Variants in MBOAT2 observed in about 807,000 individuals in gnomAD.
MBOAT2 encodes membrane-bound glycerophospholipid O-acyltransferase 2.
MBOAT2 carries 28 observed loss-of-function variants against 63.4 expected under a neutral mutation model. That is an observed-to-expected ratio of 0.44 (90% confidence interval 0.33 to 0.61). The LOEUF (loss-of-function observed/expected upper bound fraction) is 0.61. Ranked by LOEUF, MBOAT2 falls within the 20% of genes least tolerant of loss-of-function variation. The probability of loss-of-function intolerance (pLI) is 0.03; values close to 1 mark genes in which losing one functional copy is unlikely to be tolerated. For synonymous variants in MBOAT2, 211 were observed against 215.6 expected (o/e 0.98, Z 0.19); for missense variants, 470 against 605.8 (o/e 0.78, Z 2.35).
intron 12 of MBOAT2, 97 bp from the exon 13 acceptor site, chr2:8,859,001 G>T: frequency 3.4e-6 from 3 of 878,360 alleles, no homozygotes; most frequent in Admixed American, 5.2e-5. Flanking sequence ...ACCTTAGGAT[G>T]TATTTGTTTA....
At chr2:8,890,172 T>C (rs1331588898) in intron 4 of MBOAT2, among the ~76,000 whole-genome samples, 1 of 152,160 alleles carries the variant, frequency 6.6e-6, no homozygotes, top group Non-Finnish European at 1.5e-5. Flanking sequence ...CTACTCTTCC[T>C]CGAAGCATTT....
At chr2:8,977,969 T>C (rs139996914) in intron 1 of MBOAT2, among the ~76,000 whole-genome samples, 1 of 152,250 alleles carries the variant, frequency 6.6e-6, no homozygotes, top group East Asian at 1.9e-4. Flanking sequence ...ACGGCTGCGA[T>C]GGCTTCTTAT....
At chr2:8,895,149 A>G (rs1260312706) in intron 4 of MBOAT2, among the ~76,000 whole-genome samples, 1 of 152,232 alleles carries the variant, frequency 6.6e-6, no homozygotes. Context: ...AACGGACCCT[A>G]GCGGGAGCCA....
intron 6 of MBOAT2, among the ~76,000 whole-genome samples, chr2:8,880,370 ACTG>A (rs1167982311): frequency 6.6e-6 from 1 of 152,210 alleles, no homozygotes; most frequent in East Asian, 1.9e-4. Context: ...TGATAATGGT[ACTG>A]CTATTAGCTA....
intron 3 of MBOAT2, among the ~76,000 whole-genome samples, chr2:8,937,719 T>C (rs1667765733): frequency 6.6e-6 from 1 of 152,046 alleles, no homozygotes; most frequent in African/African-American, 2.4e-5. Context: ...AGCGCAGTCA[T>C]GGAGAACAAG....
Position 8,860,702 on chromosome 2 carries a change from A to G in MBOAT2, c.1248T>C (p.Val416=). The change falls in exon 12 of 13, where the codon GTT becomes GTC. Residue 416 remains valine (V), a synonymous_variant. Transcript: ENST00000305997. The part of the protein sequence containing the change: ...EPSQLKLFYD[V]ITWIVTQVAI... Reference sequence around the variant, plus strand: ...CTACTTGAGTTACTATCCATGTTATAACATCATAAAATAATTTCAGTTGGG... The same window carrying G: ...CTACTTGAGTTACTATCCATGTTATGACATCATAAAATAATTTCAGTTGGG... 3.7e-6 allele frequency: 6 copies of G among 1,607,850 alleles called. No individual in the cohort carries two copies. Among genetic ancestry groups the G allele is most frequent in the Non-Finnish European group, 5.1e-6 (6 of 1,175,008 alleles).
intron 1 of MBOAT2, among the ~76,000 whole-genome samples, chr2:8,962,931 G>T (rs1243441775): frequency 6.6e-6 from 1 of 152,114 alleles, no homozygotes; most frequent in Non-Finnish European, 1.5e-5. Context: ...ACGCCAGTAG[G>T]AGAAAGATAA....
At chr2:8,902,279 A>G (rs914934387) in intron 4 of MBOAT2, among the ~76,000 whole-genome samples, 2 of 152,226 alleles carry the variant, frequency 1.3e-5, no homozygotes, top group African/African-American at 4.8e-5. Flanking sequence ...AGGACAAAAT[A>G]GCAAATGAAA....
chr2:8,928,741 A>T (rs1255286380), intron 3 of MBOAT2, among the ~76,000 whole-genome samples: 1 of 152,214 alleles, frequency 6.6e-6, no homozygotes, highest in East Asian at 1.9e-4. Flanking sequence ...CTGACTTAAT[A>T]GTAGACCAAC....
At chr2:8,982,052 T>C (rs565288344) in intron 1 of MBOAT2, among the ~76,000 whole-genome samples, 1 of 152,222 alleles carries the variant, frequency 6.6e-6, no homozygotes, top group East Asian at 1.9e-4. Flanking sequence ...GTTACTTCTG[T>C]AAAGTGGAAG....
chr2:8,910,773 C>G (rs927794313), intron 3 of MBOAT2, among the ~76,000 whole-genome samples: 1 of 152,104 alleles, frequency 6.6e-6, no homozygotes, highest in Non-Finnish European at 1.5e-5. Flanking sequence ...CACAGGAAGC[C>G]CACATAGTTT....
chr2:8,946,593 C>A (rs998852459), intron 2 of MBOAT2, among the ~76,000 whole-genome samples: 1 of 152,176 alleles, frequency 6.6e-6, no homozygotes, highest in Non-Finnish European at 1.5e-5. Context: ...TCCAATAGCA[C>A]GTGCTGAGAC....
intron 9 of MBOAT2, among the ~76,000 whole-genome samples, chr2:8,867,108 C>CA (rs1661954488): frequency 6.6e-6 from 1 of 152,070 alleles, no homozygotes; most frequent in African/African-American, 2.4e-5. Flanking sequence ...GGCTACAGTG[C>CA]AAGTGGCACG....
intron 4 of MBOAT2, among the ~76,000 whole-genome samples, chr2:8,889,965 T>C (rs980092693): frequency 1.3e-5 from 2 of 152,076 alleles, no homozygotes; most frequent in African/African-American, 4.8e-5. Flanking sequence ...GACATGTGGC[T>C]GGGAGGACGG....
At chr2:8,923,416 A>G (rs181704157) in intron 3 of MBOAT2, among the ~76,000 whole-genome samples, 139 of 152,270 alleles carry the variant, frequency 9.1e-4, no homozygotes, top group African/African-American at 3.2e-3. Context: ...GAACTGACTC[A>G]GCTATGCAAA....
At chr2:8,902,785 C>T (rs1665053370) in intron 4 of MBOAT2, among the ~76,000 whole-genome samples, 1 of 152,126 alleles carries the variant, frequency 6.6e-6, no homozygotes, top group Non-Finnish European at 1.5e-5. Flanking sequence ...GTGGCGGGGA[C>T]CCAAAGAGTG....
intron 4 of MBOAT2, among the ~76,000 whole-genome samples, chr2:8,891,263 G>T (rs1238653776): frequency 6.6e-6 from 1 of 152,238 alleles, no homozygotes; most frequent in African/African-American, 2.4e-5. Context: ...CTATGCAGGA[G>T]TATGTTATGG....
chr2:8,988,996 T>C (rs941886375), intron 1 of MBOAT2, among the ~76,000 whole-genome samples: 2 of 152,244 alleles, frequency 1.3e-5, no homozygotes, highest in African/African-American at 4.8e-5. Flanking sequence ...AATAAGATAG[T>C]TCCTATTGTT....
At chr2:8,993,465 G>A (rs975268026) in intron 1 of MBOAT2, among the ~76,000 whole-genome samples, 11 of 152,202 alleles carry the variant, frequency 7.2e-5, no homozygotes, top group Non-Finnish European at 1.3e-4. Flanking sequence ...AGCTCAGTCT[G>A]TGGAGAAGCT....
Sources: allele counts gnomAD v4.1 joint callset (sites outside exome capture counted in the v4.1 genomes callset), GRCh38; gene constraint gnomAD v4.1.1; transcripts MANE v1.5; gene names NCBI Gene and HGNC (gene_info 2026-07-23, HGNC 2026-07-21).